Variants in ADK observed in about 807,000 individuals in gnomAD.
ADK encodes the protein adenosine kinase.
Under a neutral mutation model 44.7 loss-of-function variants are expected in ADK, and 24 were observed. The ratio of observed to expected loss-of-function variants is 0.54; its 90% CI spans 0.39 to 0.76. ADK has a LOEUF of 0.76. Ranked by LOEUF, ADK falls within the 30% of genes least tolerant of loss-of-function variation. ADK has a pLI of 0.00. For synonymous variants in ADK, 128 were observed against 142.6 expected, an observed-to-expected ratio of 0.90 and a Z score of 0.73; for missense variants, 321 against 425.1, an observed-to-expected ratio of 0.76 and a Z score of 2.15.
chr10:74,239,002 AG>A (rs1845091129), intron 3 of ADK, among the ~76,000 whole-genome samples: 1 of 151,878 alleles, frequency 6.6e-6, no homozygotes, highest in South Asian at 2.1e-4. Flanking sequence ...CTGGGATTAC[AG>A]GGGCCAGCCA....
intron 2 of ADK, among the ~76,000 whole-genome samples, chr10:74,222,100 G>A (rs570922042): frequency 5.3e-5 from 8 of 151,812 alleles, no homozygotes; most frequent in African/African-American, 1.5e-4. Context: ...GAAAATTTTT[G>A]CAACCTACTC....
At chr10:74,272,919 A>G (rs1288393503) in intron 3 of ADK, among the ~76,000 whole-genome samples, 1 of 152,264 alleles carries the variant, frequency 6.6e-6, no homozygotes, top group South Asian at 2.1e-4. Context: ...TATACTGCAG[A>G]TCCTCTCTGC....
intron 3 of ADK, among the ~76,000 whole-genome samples, chr10:74,230,134 A>G (rs977204771): frequency 6.6e-6 from 1 of 151,768 alleles, no homozygotes; most frequent in Non-Finnish European, 1.5e-5. Context: ...CAAAAAGTCA[A>G]AATTGAAATA....
At chr10:74,651,251 CTA>C (rs1564836737) in intron 9 of ADK, among the ~76,000 whole-genome samples, 1 of 152,024 alleles carries the variant, frequency 6.6e-6, no homozygotes, top group Non-Finnish European at 1.5e-5. Flanking sequence ...TCTTCTTAAT[CTA>C]ATAGGCATTG....
At chr10:74,375,684 G>A (rs990125054) in intron 4 of ADK, among the ~76,000 whole-genome samples, 2 of 152,114 alleles carry the variant, frequency 1.3e-5, no homozygotes, top group African/African-American at 4.8e-5. Flanking sequence ...TACCTCAGCA[G>A]CACCAGGAGA....
chr10:74,290,249 T>G (rs10824142), intron 3 of ADK, among the ~76,000 whole-genome samples: 73,456 of 151,914 alleles, frequency 0.48, 20,180 homozygotes, highest in Non-Finnish European at 0.62. Flanking sequence ...ACTCTTCCTG[T>G]TTTTCACTCT....
At chr10:74,361,672 A>C (rs779010964) in intron 4 of ADK, among the ~76,000 whole-genome samples, 2 of 152,232 alleles carry the variant, frequency 1.3e-5, no homozygotes, top group Non-Finnish European at 1.5e-5. Flanking sequence ...TGCAAATACA[A>C]TATTAATATA....
intron 9 of ADK, among the ~76,000 whole-genome samples, chr10:74,630,070 A>G (rs1308005757): frequency 6.6e-6 from 1 of 152,150 alleles, no homozygotes; most frequent in Non-Finnish European, 1.5e-5. Flanking sequence ...TAAATTTTTT[A>G]ATTTTTTTAA....
chr10:74,249,402 C>T (rs1352872399), intron 3 of ADK, among the ~76,000 whole-genome samples: 2 of 151,854 alleles, frequency 1.3e-5, no homozygotes, highest in Non-Finnish European at 2.9e-5. Context: ...TGTGTCTATG[C>T]TTCTATTTTT....
chr10:74,264,141 A>G (rs1421062880), intron 3 of ADK, among the ~76,000 whole-genome samples: 2 of 152,348 alleles, frequency 1.3e-5, no homozygotes, highest in South Asian at 4.1e-4. Context: ...GAATCATTCC[A>G]TTATCATAAA....
At chr10:74,655,865 C>A in intron 9 of ADK, 1 of 589,014 alleles carries the variant, frequency 1.7e-6, no homozygotes, top group Non-Finnish European at 3.2e-6. Context: ...ACCAGGAAGC[C>A]AGGCTGGCAA....
chr10:74,318,618 G>A (rs1270570557), intron 4 of ADK, among the ~76,000 whole-genome samples: 1 of 152,126 alleles, frequency 6.6e-6, no homozygotes, highest in Non-Finnish European at 1.5e-5. Context: ...TCAAATTCAG[G>A]TGTTTTAAAA....
chr10:74,620,454 T>C (rs1852952468), intron 9 of ADK, among the ~76,000 whole-genome samples: 1 of 152,256 alleles, frequency 6.6e-6, no homozygotes, highest in South Asian at 2.1e-4. Flanking sequence ...GATTTCATTC[T>C]TCTTTATAGA....
chr10:74,515,457 G>T lies in ADK; in HGVS notation c.556-9799G>T, dbSNP rs370592490. On this transcript the variant is annotated intron_variant, in intron 6 of 10. Coordinates refer to ENST00000539909, the MANE Select transcript of ADK (RefSeq NM_006721.4). ...TGACCAGAAATACAAGTATAAGGTT[G>T]CTTGGGCAACCTGGGGACATGCCTG... Among the ~76,000 whole-genome samples the T allele has an allele frequency of 1.4e-4, 21 of 152,328 alleles. 1 individual carries two copies. In the South Asian group the frequency reaches 2.5e-3, roughly 18 times the overall value.
chr10:74,314,197 A>C (rs1380988859), intron 3 of ADK, among the ~76,000 whole-genome samples: 1 of 152,106 alleles, frequency 6.6e-6, no homozygotes, highest in Admixed American at 6.5e-5. Context: ...TAATTTTCAT[A>C]CTTCTTGAAC....
chr10:74,171,808 C>CTG (rs548797359), intron 1 of ADK, among the ~76,000 whole-genome samples: 7,497 of 142,490 alleles, frequency 0.053, 172 homozygotes, highest in Non-Finnish European at 0.06. Context: ...CTCTCTGTCT[C>CTG]TCTGTGTGTG....
chr10:74,152,794 A>G (rs1291991708), intron 1 of ADK, among the ~76,000 whole-genome samples: 4 of 152,220 alleles, frequency 2.6e-5, no homozygotes, highest in Non-Finnish European at 5.9e-5. Flanking sequence ...CTAGCTGAGC[A>G]TGTTTTCTTA....
At chr10:74,462,248 T>G (rs1269059927) in intron 6 of ADK, among the ~76,000 whole-genome samples, 1 of 152,032 alleles carries the variant, frequency 6.6e-6, no homozygotes, top group Non-Finnish European at 1.5e-5. Context: ...TCTGAATTAT[T>G]GACCTATTAT....
At chr10:74,477,655 G>T (rs1305392359) in intron 6 of ADK, among the ~76,000 whole-genome samples, 1 of 151,926 alleles carries the variant, frequency 6.6e-6, no homozygotes, top group Non-Finnish European at 1.5e-5. Flanking sequence ...CTTGACCCCT[G>T]GCTATAAAAG....
Sources: gnomAD v4.1 joint callset for allele counts (sites outside exome capture counted in the v4.1 genomes callset) on GRCh38, gnomAD v4.1.1 for gene constraint, MANE v1.5 for transcripts, NCBI Gene and HGNC (gene_info 2026-07-23, HGNC 2026-07-21) for gene names.